ACOT9: variants seen among roughly 807,000 people sequenced by gnomAD.
The protein encoded by ACOT9 is acyl-CoA thioesterase 9.
ACOT9 carries 34 observed loss-of-function variants against 39.7 expected under a neutral mutation model. The observed-to-expected ratio is 0.86, with a 90% CI of 0.65 to 1.14. The LOEUF (loss-of-function observed/expected upper bound fraction) is 1.14. Among genes scored for constraint, ACOT9 ranks in the 50% most tolerant of loss-of-function variants. The pLI is 0.00. For synonymous variants in ACOT9, 110 were observed against 120.5 expected (o/e 0.91, Z 0.57); for missense variants, 313 against 344.1 (o/e 0.91, Z 0.71).
At chrX:23,730,609 T>C (rs949814813) in intron 5 of ACOT9, 45 bp from the exon 6 acceptor site, 18 of 1,140,011 alleles carry the variant, frequency 1.6e-5, no homozygotes, top group Non-Finnish European at 2.2e-5. Flanking sequence ...ATCATGTTGG[T>C]CTCCCTTTAA....
chrX:23,712,843 A>G (rs972572947), intron 9 of ACOT9, among the ~76,000 whole-genome samples: 1 of 111,895 alleles, frequency 8.9e-6, no homozygotes, highest in African/African-American at 3.2e-5. Flanking sequence ...CTGGTCTTCA[A>G]CTCCTGACCT....
intron 2 of ACOT9, 126 bp from the exon 3 acceptor site, chrX:23,734,493 C>G: frequency 1.9e-6 from 1 of 516,599 alleles, no homozygotes; most frequent in African/African-American, 2.4e-5. Flanking sequence ...AATATACATT[C>G]CAGTTATAGG....
At chrX:23,714,943 T>C (rs1395495744) in intron 8 of ACOT9, among the ~76,000 whole-genome samples, 1 of 111,224 alleles carries the variant, frequency 9.0e-6, no homozygotes, top group Non-Finnish European at 1.9e-5. Flanking sequence ...CCCCTAGAAG[T>C]CTGTACTTCC....
At chrX:23,713,985 C>CTA (rs1372751680) in intron 8 of ACOT9, among the ~76,000 whole-genome samples, 1 of 111,109 alleles carries the variant, frequency 9.0e-6, no homozygotes, top group African/African-American at 3.3e-5. Context: ...ATGCACTGAG[C>CTA]TATGATCACG....
intron 8 of ACOT9, among the ~76,000 whole-genome samples, chrX:23,720,243 T>C (rs764488912): frequency 2.7e-5 from 3 of 112,602 alleles, no homozygotes; most frequent in Admixed American, 9.5e-5. Flanking sequence ...ATTTCTTCAA[T>C]TGTTTGTAAT....
intron 9 of ACOT9, 56 bp downstream of exon 9, chrX:23,713,079 T>G (rs1449547158): frequency 4.2e-5 from 42 of 990,417 alleles, no homozygotes; most frequent in Non-Finnish European, 6.0e-5. Context: ...TTCTCTCCAG[T>G]CTTATGTATC....
At chrX:23,721,803 A>C in intron 8 of ACOT9, 78 bp downstream of exon 8, 1 of 830,794 alleles carries the variant, frequency 1.2e-6, no homozygotes, top group Non-Finnish European at 1.8e-6. Flanking sequence ...CTACAGATAC[A>C]TAGGTAAATA....
chrX:23,722,916 T>A (rs182044398), intron 6 of ACOT9, among the ~76,000 whole-genome samples, 163 bp from the exon 7 acceptor site: 1 of 111,540 alleles, frequency 9.0e-6, no homozygotes, highest in Non-Finnish European at 1.9e-5. Flanking sequence ...CTTTTATAAA[T>A]TGAAGGATTT....
At chrX:23,733,447 T>C (rs768770376) in intron 3 of ACOT9, among the ~76,000 whole-genome samples, 1 of 112,026 alleles carries the variant, frequency 8.9e-6, no homozygotes, top group Non-Finnish European at 1.9e-5. Context: ...ATGAATACCT[T>C]TGTGCCAATC....
chrX:23,726,515 C>T (rs1487401931), intron 6 of ACOT9, among the ~76,000 whole-genome samples: 1 of 110,571 alleles, frequency 9.0e-6, no homozygotes, highest in Non-Finnish European at 1.9e-5. Flanking sequence ...GAGCAGAAGC[C>T]GGAACACAGC....
intron 2 of ACOT9, among the ~76,000 whole-genome samples, chrX:23,735,386 GA>G (rs963592115): frequency 9.1e-6 from 1 of 109,532 alleles, no homozygotes; most frequent in Non-Finnish European, 1.9e-5. Context: ...GGCCAAGAAG[GA>G]AAAACTTTTT....
intron 15 of ACOT9, among the ~76,000 whole-genome samples, chrX:23,704,337 AT>A (rs749027257): frequency 0.041 from 3,670 of 88,620 alleles, 265 homozygotes; most frequent in African/African-American, 0.14. Context: ...TGCCCGGCTA[AT>A]TTTTTTTTTT....
At chrX:23,737,825 C>T (rs950933457) in intron 1 of ACOT9, among the ~76,000 whole-genome samples, 2 of 109,702 alleles carry the variant, frequency 1.8e-5, no homozygotes, top group South Asian at 3.9e-4. Flanking sequence ...CACTTTTTCA[C>T]GATAAATATT....
At chrX:23,731,960 A>C (rs1433495373) in intron 4 of ACOT9, among the ~76,000 whole-genome samples, 1 of 112,186 alleles carries the variant, frequency 8.9e-6, no homozygotes, top group Non-Finnish European at 1.9e-5. Context: ...TTAACTTATA[A>C]AGTATTATTT....
In ACOT9 at chrX:23,730,827, T is replaced by C; in HGVS notation, c.351A>G (p.Gln117=). The part of the protein sequence containing the change: ...PELREKYLTV[Q]NTVRFGRILE... ...TAGCACTGTGTTACCTTACGGTGTT[T>C]TGAACAGTCAAATATTTCTCTCGTA... is the stretch of plus-strand genomic sequence containing the variant. The change falls in exon 5 of 16, where the codon CAA becomes CAG. Residue 117 remains glutamine (Q), a synonymous_variant. Coordinates refer to ENST00000379303, the MANE Select transcript of ACOT9 (RefSeq NM_001037171.2). 1 of 1,205,357 alleles carries C rather than the reference T, an allele frequency of 8.3e-7. No homozygotes were observed. The highest frequency in any genetic ancestry group is 1.1e-6 in the Non-Finnish European group (1 of 892,421).
rs758367414 is a variant in ACOT9, at chrX:23,736,024, A to G, written c.21-8T>C. 1 of 1,191,374 alleles carries G rather than the reference A, an allele frequency of 8.4e-7. No individual in the cohort carries two copies. The highest frequency in any genetic ancestry group is 1.1e-6 in the Non-Finnish European group (1 of 882,034). ...TTGCCCAAGGCACAAAGCCTATAAA[A>G]CAAGATAAAACACAGAGCAGATCCC... On this transcript the variant is annotated splice_region_variant and splice_polypyrimidine_tract_variant and intron_variant, in intron 1 of 15. Coordinates refer to ENST00000379303, the MANE Select transcript of ACOT9 (RefSeq NM_001037171.2).
At chrX:23,707,477 G>C (rs750552897) in intron 10 of ACOT9, among the ~76,000 whole-genome samples, 1 of 111,855 alleles carries the variant, frequency 8.9e-6, no homozygotes, top group East Asian at 2.8e-4. Flanking sequence ...AATGGCTCAC[G>C]CCTGTAATCC....
At position 23,706,687 on chromosome X, in the gene ACOT9, G is replaced by C; in HGVS notation, c.783C>G (p.Ala261=). 8.3e-7 allele frequency: 1 copy of C among 1,208,292 alleles called. No homozygotes were observed. The highest frequency in any genetic ancestry group is 1.1e-6 in the Non-Finnish European group (1 of 894,163). ...AFSSTSLLKM[A]PSAEERTTIH... is the part of the protein sequence containing the mutation. ...TGGTGGTCCTCTCCTCAGCGCTGGG[G>C]GCCATTTTCAGTAACGACGTGGAGC... Residue 261 remains alanine (A), a synonymous_variant, in exon 11 of 16, where the codon GCC becomes GCG. Transcript: ENST00000379303.
chrX:23,727,528 T>C (rs1929575409), intron 6 of ACOT9, among the ~76,000 whole-genome samples: 1 of 109,202 alleles, frequency 9.2e-6, no homozygotes, highest in South Asian at 4.0e-4. Flanking sequence ...ACTCACTATG[T>C]TTCCCAGGCT....
Sources: gnomAD v4.1 joint callset for allele counts (sites outside exome capture counted in the v4.1 genomes callset) on GRCh38, gnomAD v4.1.1 for gene constraint, MANE v1.5 for transcripts, NCBI Gene and HGNC (gene_info 2026-07-23, HGNC 2026-07-21) for gene names.